HSPA12B: variants seen among roughly 807,000 people sequenced by gnomAD.
HSPA12B encodes heat shock 70 kDa protein 12B.
Under a neutral mutation model 69.3 loss-of-function variants are expected in HSPA12B, and 54 were observed. The observed-to-expected ratio is 0.78, with a 90% CI of 0.63 to 0.98. HSPA12B has a LOEUF of 0.98. HSPA12B is among the 50% of genes least tolerant of loss of function. The probability of loss-of-function intolerance (pLI) is 0.00; values close to 1 mark genes in which losing one functional copy is unlikely to be tolerated. For synonymous variants in HSPA12B, 441 were observed against 436.5 expected, an observed-to-expected ratio of 1.01 and a Z score of -0.13; for missense variants, 929 against 999.8, an observed-to-expected ratio of 0.93 and a Z score of 0.96.
At position 3,744,365 on chromosome 20, in the gene HSPA12B, G is replaced by A. The variant is rs2088259257; in HGVS notation, c.267-537G>A. 6.6e-6 allele frequency among the ~76,000 whole-genome samples: 1 copy of A among 152,158 alleles called. No individual in the cohort carries two copies. The highest frequency in any genetic ancestry group is 2.4e-5 in the African/African-American group (1 of 41,432). On this transcript the variant is annotated intron_variant, in intron 4 of 12. Coordinates refer to ENST00000254963, the MANE Select transcript of HSPA12B (RefSeq NM_052970.5). The surrounding 1 kb of genome is among the most constrained non-coding windows in gnomAD (Gnocchi z 4.9). ...AACACACATGGCTGAGGCCATGCTG[G>A]GGCTAAGGACACATCCAGGAACACT...
chr20:3,750,762 G>T (rs751557471), intron 11 of HSPA12B, 42 bp from the exon 12 acceptor site: 1 of 1,613,014 alleles, frequency 6.2e-7, no homozygotes. Flanking sequence ...GCAAGCAGCT[G>T]GGCCCTGACC....
chr20:3,751,460 G>C (rs924374192), intron 12 of HSPA12B, 51 bp from the exon 13 acceptor site: 1 of 1,365,394 alleles, frequency 7.3e-7, no homozygotes, highest in Non-Finnish European at 9.4e-7. Context: ...TCTCTCCCCC[G>C]CCCCTTCTCC....
At chr20:3,746,694 G>A (rs1165196101) in intron 7 of HSPA12B, among the ~76,000 whole-genome samples, 3 of 152,222 alleles carry the variant, frequency 2.0e-5, no homozygotes, top group Non-Finnish European at 2.9e-5. Context: ...GAGCTATGAA[G>A]GATGTGGTCT....
chr20:3,747,158 C>T (rs2088321738), intron 7 of HSPA12B, among the ~76,000 whole-genome samples: 1 of 152,180 alleles, frequency 6.6e-6, no homozygotes, highest in South Asian at 2.1e-4. Flanking sequence ...AGGGCATAGC[C>T]TCAAGACTCA....
intron 1 of HSPA12B, 27 bp from the exon 2 acceptor site, chr20:3,738,631 A>T: frequency 6.2e-7 from 1 of 1,604,140 alleles, no homozygotes; most frequent in Non-Finnish European, 8.5e-7. Flanking sequence ...AATAAATCCC[A>T]CTCTGCTTGT....
chr20:3,749,763 G>C lies in HSPA12B; in HGVS notation c.951G>C (p.Val317=). Reference sequence around the variant, plus strand: ...TCGCCGCCGCAGGAGACCGCTACGTGGTGGCCGACTGCGGCGGAGGCACCG... The same window carrying C: ...TCGCCGCCGCAGGAGACCGCTACGTCGTGGCCGACTGCGGCGGAGGCACCG... The part of the protein sequence containing the change: ...WAEMQAGDRY[V]VADCGGGTVD... Residue 317 remains valine, a synonymous_variant, in exon 10 of 13, where the codon GTG becomes GTC. Coordinates refer to ENST00000254963, the MANE Select transcript of HSPA12B (RefSeq NM_052970.5). The surrounding 1 kb of genome is among the most constrained non-coding windows in gnomAD (Gnocchi z 5.5). 6.3e-7 allele frequency: 1 copy of C among 1,598,854 alleles called. No individual in the cohort carries two copies. Among genetic ancestry groups the C allele is most frequent in the African/African-American group, 1.3e-5 (1 of 74,772 alleles).
At chr20:3,736,492 G>A (rs1033213651) in intron 1 of HSPA12B, among the ~76,000 whole-genome samples, 1 of 152,212 alleles carries the variant, frequency 6.6e-6, no homozygotes, top group African/African-American at 2.4e-5. Context: ...GTGTGCATGT[G>A]TCTATGGGCA....
chr20:3,748,491 C>A, intron 8 of HSPA12B, 100 bp downstream of exon 8: 1 of 1,146,924 alleles, frequency 8.7e-7, no homozygotes, highest in Non-Finnish European at 1.1e-6. Context: ...AGGGTACCCA[C>A]CCTGGAGGAG....
At position 3,749,896 on chromosome 20, in the gene HSPA12B, G is replaced by C. The variant is rs374110537; in HGVS notation, c.1042+42G>C. 1.3e-6 allele frequency: 2 copies of C among 1,540,248 alleles called. No individual in the cohort carries two copies. Among genetic ancestry groups the C allele is most frequent in the African/African-American group, 1.4e-5 (1 of 73,054 alleles). On this transcript the variant is annotated intron_variant, in intron 10 of 12. Transcript: ENST00000254963. The surrounding 1 kb of genome is among the most constrained non-coding windows in gnomAD (Gnocchi z 5.5). ...CGCCCCGGTACCCAGCGCGACCCGG[G>C]CTCCGGCCCCGCCACTGCCCCCTGG...
intron 1 of HSPA12B, among the ~76,000 whole-genome samples, chr20:3,736,354 C>A (rs559014104): frequency 6.6e-6 from 1 of 152,362 alleles, no homozygotes; most frequent in South Asian, 2.1e-4. Context: ...GTACAGAGGA[C>A]AGCAAGAGTG....
chr20:3,739,557 C>T (rs2088164596), intron 2 of HSPA12B, among the ~76,000 whole-genome samples: 1 of 152,192 alleles, frequency 6.6e-6, no homozygotes, highest in Admixed American at 6.5e-5. Context: ...GCAACTTGGC[C>T]TCTCGGGCTG....
In HSPA12B at chr20:3,751,988, G is replaced by A; in HGVS notation, c.1883G>A (p.Gly628Asp). 6.4e-7 allele frequency: 1 copy of A among 1,569,282 alleles called. No homozygotes were observed. The highest frequency in any genetic ancestry group is 8.6e-7 in the Non-Finnish European group (1 of 1,163,402). ...FITDPGVRKC[G>D]ALSLELEPAD... is the part of the protein sequence containing the mutation. ...ACCGACCCCGGCGTGCGCAAATGCG[G>A]CGCGCTCAGCCTCGAGCTTGAGCCC... Residue 628 changes from glycine to aspartate, a missense_variant, in exon 13 of 13, where the codon GGC (glycine) becomes GAC (aspartate). This residue lies in a region of HSPA12B where 448 missense variants were observed against 448.1 expected (regional missense o/e 1.00). Coordinates refer to ENST00000254963, the MANE Select transcript of HSPA12B (RefSeq NM_052970.5).
At chr20:3,741,422 C>T (rs1409259407) in intron 3 of HSPA12B, among the ~76,000 whole-genome samples, 2 of 152,012 alleles carry the variant, frequency 1.3e-5, no homozygotes, top group Non-Finnish European at 2.9e-5. Flanking sequence ...GCTTTGAGCT[C>T]AGGAGTTCAA....
At chr20:3,738,218 C>T (rs931168059) in intron 1 of HSPA12B, among the ~76,000 whole-genome samples, 11 of 152,224 alleles carry the variant, frequency 7.2e-5, no homozygotes, top group Admixed American at 2.0e-4. Context: ...CACTCAGCAA[C>T]GCTTGTCATT....
chr20:3,742,352 G>A lies in HSPA12B; in HGVS notation c.210G>A (p.Thr70=), dbSNP rs755017070. The A allele has an allele frequency of 6.8e-6, 11 of 1,614,008 alleles. No individual in the cohort carries two copies. The highest frequency in any genetic ancestry group is 2.2e-5 in the East Asian group (1 of 44,890). Residue 70 remains threonine (T), a synonymous_variant, in exon 4 of 13, where the codon ACG becomes ACA. Coordinates refer to ENST00000254963, the MANE Select transcript of HSPA12B (RefSeq NM_052970.5). The stretch of plus-strand genomic sequence containing the variant: ...TGGTGGCCATTGACTTCGGCACCAC[G>A]TCTAGTGGCTATGCTTTCAGCTTTG... ...SVVVAIDFGT[T]SSGYAFSFAS...
chr20:3,745,383 G>T lies in HSPA12B; in HGVS notation c.454-110G>T. The T allele has an allele frequency of 1.2e-6, 1 of 805,920 alleles. No individual in the cohort carries two copies. The highest frequency in any genetic ancestry group is 2.5e-5 in the East Asian group (1 of 39,224). 49.9% of individuals were successfully genotyped at this position (805,920 alleles called of 1,614,324 possible). Reference sequence around the variant, plus strand: ...TCACATGGGGCAAGAGTGGGACGGTGGTAAAGAGGAGGGGAAGCTCCAGGA... The same window carrying T: ...TCACATGGGGCAAGAGTGGGACGGTTGTAAAGAGGAGGGGAAGCTCCAGGA... On this transcript the variant is annotated intron_variant, in intron 5 of 12. Coordinates refer to ENST00000254963, the MANE Select transcript of HSPA12B (RefSeq NM_052970.5). The surrounding 1 kb of genome is among the most constrained non-coding windows in gnomAD (Gnocchi z 5.6).
At position 3,752,177 on chromosome 20, in the gene HSPA12B, G is replaced by A. The variant is rs748411786; in HGVS notation, c.*11G>A. ...TTTCTTTCCAACTGAGGGCGCGCCG[G>A]CGCGGTGCCAGCGCCGTCTGCCCGG... is the stretch of plus-strand genomic sequence containing the variant. On this transcript the variant is annotated 3_prime_UTR_variant, in exon 13 of 13. Coordinates refer to ENST00000254963, the MANE Select transcript of HSPA12B (RefSeq NM_052970.5). 6 of 1,455,804 alleles carry A rather than the reference G, an allele frequency of 4.1e-6. No homozygotes were observed. Among genetic ancestry groups the A allele is most frequent in the East Asian group, 2.5e-5 (1 of 39,294 alleles). 90.2% of individuals were successfully genotyped at this position (1,455,804 alleles called of 1,614,324 possible).
At position 3,751,827 on chromosome 20, in the gene HSPA12B, C is replaced by T. The variant is rs1260580810; in HGVS notation, c.1722C>T (p.Phe574=). 1.4e-5 allele frequency: 21 copies of T among 1,535,308 alleles called. No homozygotes were observed. In the East Asian group the frequency reaches 5.2e-4, roughly 38 times the overall value. ...RDGRRWCTDV[F]ERFVAAEQSV... ...GCCGCCGCTGGTGCACCGACGTCTT[C>T]GAGCGCTTCGTGGCCGCCGAGCAGT... Residue 574 remains phenylalanine, a synonymous_variant, in exon 13 of 13, where the codon TTC becomes TTT. Coordinates refer to ENST00000254963, the MANE Select transcript of HSPA12B (RefSeq NM_052970.5).
At position 3,749,432 on chromosome 20, in the gene HSPA12B, C is replaced by A. The variant is rs1170700160; in HGVS notation, c.937+114C>A. ...CTCTTCCTCCTCCATTCGCTGTACC[C>A]AACCTGGCCGTCCCCTCACAGTCAC... On this transcript the variant is annotated intron_variant, in intron 9 of 12. Coordinates refer to ENST00000254963, the MANE Select transcript of HSPA12B (RefSeq NM_052970.5). The surrounding 1 kb of genome is among the most constrained non-coding windows in gnomAD (Gnocchi z 5.5). 1.2e-5 allele frequency: 12 copies of A among 1,003,078 alleles called. No individual in the cohort carries two copies. The highest frequency in any genetic ancestry group is 2.6e-5 in the East Asian group (1 of 37,962). 62.1% of individuals were successfully genotyped at this position (1,003,078 alleles called of 1,614,324 possible).
Sources: allele counts gnomAD v4.1 joint callset (sites outside exome capture counted in the v4.1 genomes callset), GRCh38; gene constraint gnomAD v4.1.1; regional missense constraint gnomAD v4.1.1; non-coding constraint Gnocchi (gnomAD v3.1); transcripts MANE v1.5; gene names NCBI Gene and HGNC (gene_info 2026-07-23, HGNC 2026-07-21).